Variants in PON2 observed in about 807,000 individuals in gnomAD.
The protein encoded by PON2 is paraoxonase 2.
In PON2, 27 loss-of-function variants were observed where a neutral mutation model predicts 36.6. That is an observed-to-expected ratio of 0.74 (90% CI 0.54 to 1.02). The LOEUF (loss-of-function observed/expected upper bound fraction) is 1.02, where lower values mean the gene tolerates loss of function less well. Ranked by LOEUF, PON2 falls within the 50% of genes least tolerant of loss-of-function variation. PON2 has a pLI of 0.00. For missense variants in PON2, 363 were observed against 421.1 expected, an observed-to-expected ratio of 0.86 and a Z score of 1.21; for synonymous variants, 149 against 156.3, an observed-to-expected ratio of 0.95 and a Z score of 0.35.
chr7:95,428,403 G>A (rs1562793047), intron 1 of PON2, among the ~76,000 whole-genome samples: 1 of 135,446 alleles, frequency 7.4e-6, no homozygotes, highest in African/African-American at 3.3e-5. Flanking sequence ...GAACTTGGAT[G>A]GGGGAAAAAT....
Position 95,412,415 on chromosome 7 carries a change from C to G in PON2, c.264G>C (p.Met88Ile), listed in dbSNP as rs762331175. ...CCCTTGGTTTTTCTTCTTTTAGATC[C>G]ATCATTAGTATTCCTCCAGGCTTAT... ...APDKPGGILMMDLKEEKPRAR... is the reference protein window; with the variant it reads ...APDKPGGILMIDLKEEKPRAR... Residue 88 changes from methionine (M) to isoleucine (I), a missense_variant, in exon 4 of 9, where the codon ATG becomes ATC. Physicochemically the swap from Met to Ile is conservative, Grantham distance 10. Transcript: ENST00000222572. The G allele has an allele frequency of 2.3e-5, 37 of 1,613,956 alleles. No homozygotes were observed. The highest frequency in any genetic ancestry group is 3.1e-5 in the Non-Finnish European group (37 of 1,179,992).
chr7:95,405,516 T>C (rs1403269452), intron 8 of PON2, 28 bp from the exon 9 acceptor site: 7 of 1,595,874 alleles, frequency 4.4e-6, no homozygotes, highest in Admixed American at 1.7e-5. Flanking sequence ...AGTATGAATA[T>C]AAGACCACCG....
At chr7:95,418,618 C>T (rs1789124063) in intron 2 of PON2, among the ~76,000 whole-genome samples, 1 of 152,106 alleles carries the variant, frequency 6.6e-6, no homozygotes, top group South Asian at 2.1e-4. Flanking sequence ...CTTTCAAAAC[C>T]TTTTCTGTCT....
At chr7:95,411,830 T>C in intron 4 of PON2, 51 bp from the exon 5 acceptor site, 2 of 1,595,956 alleles carry the variant, frequency 1.3e-6, no homozygotes, top group Non-Finnish European at 8.6e-7. Context: ...CTACGGGACC[T>C]CTGGGCAGGC....
intron 1 of PON2, among the ~76,000 whole-genome samples, chr7:95,430,361 G>C (rs1344282975): frequency 6.6e-6 from 1 of 151,616 alleles, no homozygotes; most frequent in Non-Finnish European, 1.5e-5. Flanking sequence ...TGCCAGGCTG[G>C]AGTGCAATGG....
At chr7:95,413,081 C>A (rs779934121) in intron 3 of PON2, 2 of 131,768 alleles carry the variant, frequency 1.5e-5, no homozygotes, top group East Asian at 4.6e-4. Flanking sequence ...CAGTTTGAGA[C>A]CAGCCTGGGC....
intron 1 of PON2, among the ~76,000 whole-genome samples, chr7:95,428,682 T>C (rs1789369550): frequency 6.6e-6 from 1 of 152,230 alleles, no homozygotes; most frequent in African/African-American, 2.4e-5. Context: ...TTTAAATAGC[T>C]TGGTAGCAGT....
In PON2 at chr7:95,410,120, A is replaced by G; in HGVS notation, c.495-19T>C. The G allele has an allele frequency of 3.1e-6, 5 of 1,600,174 alleles. No individual in the cohort carries two copies. The highest frequency in any genetic ancestry group is 4.3e-6 in the Non-Finnish European group (5 of 1,168,334). On this transcript the variant is annotated intron_variant, in intron 5 of 8. Transcript: ENST00000222572. ...ATTCACACTGAAAAAGAAAAATAGC[A>G]TGTGAGAGGAAACAAAAGGCCTGTT...
At chr7:95,425,441 T>C (rs1185559767) in intron 1 of PON2, among the ~76,000 whole-genome samples, 1 of 152,236 alleles carries the variant, frequency 6.6e-6, no homozygotes, top group East Asian at 1.9e-4. Flanking sequence ...ATCTTTTGTT[T>C]TGAAGGCCAC....
intron 2 of PON2, among the ~76,000 whole-genome samples, chr7:95,417,684 C>CACACAG (rs1270408782): frequency 7.3e-6 from 1 of 137,520 alleles, no homozygotes; most frequent in Non-Finnish European, 1.5e-5. Flanking sequence ...TACACATGTA[C>CACACAG]ACACAGACAC....
rs202029102 is a variant in PON2, at chr7:95,409,324, C to CA, written c.695+576dup. On this transcript the variant is annotated intron_variant, in intron 6 of 8. Coordinates refer to ENST00000222572, the MANE Select transcript of PON2 (RefSeq NM_000305.3). The stretch of plus-strand genomic sequence containing the variant: ...GAGACTCCATCTCCAAAAAACAAAA[C>CA]AAAAAAAAAACACTCTCCTAGGGAC... Among the ~76,000 whole-genome samples, 257 of 139,794 alleles carry CA rather than the reference C, an allele frequency of 1.8e-3. 4 individuals carry two copies. In the East Asian group the frequency reaches 0.038, roughly 21 times the overall value. 91.7% of individuals were successfully genotyped at this position (139,794 alleles called of 152,430 possible). A position where few individuals can be genotyped will look rare whatever the true frequency, so the allele number is the denominator to read the frequency against.
intron 1 of PON2, among the ~76,000 whole-genome samples, chr7:95,429,411 G>A (rs1050935130): frequency 2.0e-5 from 3 of 152,066 alleles, no homozygotes; most frequent in African/African-American, 7.2e-5. Context: ...TATGTGCCAC[G>A]TTTTCTTAAT....
chr7:95,405,750 C>T (rs17876168), intron 8 of PON2, among the ~76,000 whole-genome samples: 3 of 152,302 alleles, frequency 2.0e-5, no homozygotes, highest in Middle Eastern at 3.4e-3. Context: ...GAAATACTTT[C>T]ATACTAATGT....
chr7:95,414,804 T>C (rs1244328419), intron 3 of PON2, among the ~76,000 whole-genome samples: 2 of 152,234 alleles, frequency 1.3e-5, no homozygotes, highest in Non-Finnish European at 1.5e-5. Context: ...TAAATATCAC[T>C]TTATTCATTC....
intron 3 of PON2, 44 bp downstream of exon 3, chr7:95,416,198 T>C (rs751077230): frequency 6.8e-6 from 11 of 1,611,306 alleles, no homozygotes; most frequent in Non-Finnish European, 9.3e-6. Context: ...TCAAATACCC[T>C]TGTATCTCCT....
rs1166173878 is a variant in PON2, at chr7:95,434,936, C to T, written c.16G>A (p.Ala6Thr). 7.8e-6 allele frequency: 12 copies of T among 1,532,124 alleles called. No individual in the cohort carries two copies. In the Admixed American group the frequency reaches 2.0e-4, roughly 25 times the overall value. The allele number at this position is 1,532,124 out of a possible 1,614,324, so 94.9% of individuals were successfully genotyped here. Residue 6 changes from alanine to threonine, a missense_variant, in exon 1 of 9, where the codon GCT becomes ACT. By Grantham distance (58) the Ala-to-Thr change is moderately conservative. Transcript: ENST00000222572. Reference protein sequence around the residue: MGRLVAVGLLGIALAL... With the variant: MGRLVTVGLLGIALAL... Reference sequence around the variant, plus strand: ...AGCGCGATCCCCAGCAAGCCCACAGCCACCAGCCGCCCCATGGCGCGGGAG... The same window carrying T: ...AGCGCGATCCCCAGCAAGCCCACAGTCACCAGCCGCCCCATGGCGCGGGAG...
intron 1 of PON2, 103 bp from the exon 2 acceptor site, chr7:95,424,688 C>T (rs1437504887): frequency 2.4e-6 from 2 of 841,104 alleles, no homozygotes. Flanking sequence ...ATACATAAAA[C>T]ACAGTTTAAG....
In PON2 at chr7:95,407,039, T is replaced by C. The variant is rs768684655; in HGVS notation, c.725A>G (p.His242Arg). ...GTGTTTTTCCAAAACATGAATTTCA[T>C]GAGCCAATATGTCAGCAACATAGAT... ...KYIYVADILA[H>R]EIHVLEKHTN... The change falls in exon 7 of 9, where the codon CAT becomes CGT. Residue 242 changes from histidine to arginine, a missense_variant. Coordinates refer to ENST00000222572, the MANE Select transcript of PON2 (RefSeq NM_000305.3). The C allele has an allele frequency of 5.0e-6, 8 of 1,597,640 alleles. No individual in the cohort carries two copies. The East Asian group carries it at 1.3e-4, about 27-fold the overall frequency.
At chr7:95,425,884 A>G (rs530367260) in intron 1 of PON2, among the ~76,000 whole-genome samples, 1 of 152,148 alleles carries the variant, frequency 6.6e-6, no homozygotes, top group South Asian at 2.1e-4. Context: ...AATATAATAA[A>G]AAATAATGCA....
Sources: gnomAD v4.1 joint callset for allele counts (sites outside exome capture counted in the v4.1 genomes callset) on GRCh38, gnomAD v4.1.1 for gene constraint, MANE v1.5 for transcripts, NCBI Gene and HGNC (gene_info 2026-07-23, HGNC 2026-07-21) for gene names.